Variants in ZIM2 observed in about 807,000 individuals in gnomAD.
ZIM2 encodes the protein zinc finger imprinted 2, also known as zinc finger protein 656.
A neutral mutation model predicts 38.6 loss-of-function variants in ZIM2; 14 were observed. The ratio of observed to expected loss-of-function variants is 0.36; its 90% CI spans 0.24 to 0.57. The LOEUF is 0.57. ZIM2 is among the 20% of genes least tolerant of loss of function. ZIM2 has a pLI of 0.81. For synonymous variants in ZIM2, 247 were observed against 245.8 expected (o/e 1.00, Z -0.04); for missense variants, 680 against 695.1 (o/e 0.98, Z 0.24).
At chr19:56,817,209 G>A (rs778919349) in intron 9 of ZIM2, 3 of 1,614,150 alleles carry the variant, frequency 1.9e-6, no homozygotes, top group East Asian at 4.5e-5. Context: ...GCTTCTTCCT[G>A]GGACAGCCTT....
chr19:56,823,818 C>A, intron 4 of ZIM2, 139 bp from the exon 5 acceptor site: 1 of 1,021,098 alleles, frequency 9.8e-7, no homozygotes, highest in Admixed American at 2.0e-5. Flanking sequence ...GAGTTCAAAA[C>A]CCTTCAGCGG....
chr19:56,796,018 A>G (rs535700624), intron 9 of ZIM2, among the ~76,000 whole-genome samples: 2 of 152,328 alleles, frequency 1.3e-5, no homozygotes, highest in East Asian at 1.9e-4. Flanking sequence ...CCACGTGTGC[A>G]CCATTCACCA....
At chr19:56,794,414 C>G (rs962561254) in intron 9 of ZIM2, among the ~76,000 whole-genome samples, 2 of 152,144 alleles carry the variant, frequency 1.3e-5, no homozygotes, top group African/African-American at 4.8e-5. Flanking sequence ...CTTTTCTTAT[C>G]CCCACTAAAA....
chr19:56,800,408 A>C (rs1296609874), intron 9 of ZIM2, among the ~76,000 whole-genome samples: 1 of 152,170 alleles, frequency 6.6e-6, no homozygotes, highest in Non-Finnish European at 1.5e-5. Context: ...CAGCTATAAA[A>C]TGCTAACATC....
At chr19:56,822,974 G>T in intron 5 of ZIM2, 138 bp from the exon 6 acceptor site, 1 of 1,171,874 alleles carries the variant, frequency 8.5e-7, no homozygotes, top group Non-Finnish European at 1.2e-6. Context: ...AGAGCTCCAG[G>T]TTCCCAGGCT....
intron 1 of ZIM2, among the ~76,000 whole-genome samples, chr19:56,838,374 C>T (rs1601322449): frequency 6.6e-6 from 1 of 152,326 alleles, no homozygotes; most frequent in East Asian, 1.9e-4. Flanking sequence ...CTGTGGCTAG[C>T]ACAGACAGTA....
chr19:56,826,968 T>C (rs2061101321), intron 2 of ZIM2, among the ~76,000 whole-genome samples: 1 of 152,180 alleles, frequency 6.6e-6, no homozygotes, highest in Non-Finnish European at 1.5e-5. Context: ...AATGGCAGGC[T>C]TATAGAGTTC....
chr19:56,817,311 A>C, intron 9 of ZIM2: 1 of 1,614,138 alleles, frequency 6.2e-7, no homozygotes, highest in Non-Finnish European at 8.5e-7. Flanking sequence ...GGGTTGAATT[A>C]AACCTAAAGC....
intron 2 of ZIM2, among the ~76,000 whole-genome samples, chr19:56,834,941 T>C (rs751872112): frequency 6.6e-6 from 1 of 152,192 alleles, no homozygotes; most frequent in Non-Finnish European, 1.5e-5. Context: ...CAATGCTTGC[T>C]AACAAATGAA....
chr19:56,823,534 T>G (rs907087204), intron 5 of ZIM2, 56 bp downstream of exon 5: 11 of 1,608,514 alleles, frequency 6.8e-6, no homozygotes, highest in Non-Finnish European at 9.4e-6. Flanking sequence ...TGTGTCTCCA[T>G]CTGGAAGCAT....
chr19:56,779,225 G>T, intron 12 of ZIM2, 152 bp downstream of exon 12: 1 of 648,896 alleles, frequency 1.5e-6, no homozygotes, highest in Non-Finnish European at 2.6e-6. Context: ...GCTGCATGAA[G>T]AGATGGGCTT....
chr19:56,802,175 A>G (rs865853797), intron 9 of ZIM2, among the ~76,000 whole-genome samples: 3 of 152,162 alleles, frequency 2.0e-5, no homozygotes, highest in South Asian at 2.1e-4. Flanking sequence ...GGACTCCTCA[A>G]TTGGCCCTCC....
chr19:56,826,396 G>C lies in ZIM2; in HGVS notation c.-159C>G, dbSNP rs889994410. 1 of 152,258 alleles carries C rather than the reference G, an allele frequency of 6.6e-6. No individual in the cohort carries two copies. The highest frequency in any genetic ancestry group is 2.4e-5 in the African/African-American group (1 of 41,462). 9.4% of individuals were successfully genotyped at this position (152,258 alleles called of 1,614,324 possible). ...CTCAGATATGTAATCACCTGTCTGG[G>C]AACAGGATCCTTTCTGGAACTTCAG... On this transcript the variant is annotated 5_prime_UTR_variant, in exon 3 of 13. Coordinates refer to ENST00000629319, the MANE Select transcript of ZIM2 (RefSeq NM_001387356.1).
At position 56,824,249 on chromosome 19, in the gene ZIM2, T is replaced by G. The variant is rs2060801678; in HGVS notation, c.16+13A>C. 1.2e-6 allele frequency: 2 copies of G among 1,611,686 alleles called. No homozygotes were observed. The highest frequency in any genetic ancestry group is 2.2e-5 in the South Asian group (2 of 90,932). On this transcript the variant is annotated intron_variant, in intron 4 of 12. Coordinates refer to ENST00000629319, the MANE Select transcript of ZIM2 (RefSeq NM_001387356.1). ...GCCTGCACTGACCACCAACACCCCG[T>G]GGAGACTCTCACCTTCTGGTTGGTA...
In ZIM2 at chr19:56,779,371, A is replaced by G. The variant is rs1393867704; in HGVS notation, c.835+6T>C. On this transcript the variant is annotated splice_donor_region_variant and intron_variant, in intron 12 of 12. Transcript: ENST00000629319. ...CTACACCCCGGGCTTCCCCCTCACT[A>G]CTCACCTTGACAAATCACTGTATGT... 1.9e-6 allele frequency: 3 copies of G among 1,613,120 alleles called. No individual in the cohort carries two copies. Among genetic ancestry groups the G allele is most frequent in the Non-Finnish European group, 2.5e-6 (3 of 1,179,496 alleles).
chr19:56,777,524 C>G (rs2046082713), intron 12 of ZIM2, among the ~76,000 whole-genome samples: 2 of 152,178 alleles, frequency 1.3e-5, no homozygotes, highest in Admixed American at 1.3e-4. Flanking sequence ...CTCCATAGGA[C>G]AGCCAGATGG....
At chr19:56,775,717 A>T (rs1264529482) in intron 12 of ZIM2, among the ~76,000 whole-genome samples, 188 bp from the exon 13 acceptor site, 1 of 152,184 alleles carries the variant, frequency 6.6e-6, no homozygotes, top group Admixed American at 6.5e-5. Context: ...CCAATATAAT[A>T]GAAATAAAGA....
intron 9 of ZIM2, among the ~76,000 whole-genome samples, chr19:56,809,918 C>T (rs1236132874): frequency 6.6e-6 from 1 of 151,710 alleles, no homozygotes; most frequent in Non-Finnish European, 1.5e-5. Context: ...TTTAAAAATC[C>T]CTTAGAAGTA....
intron 10 of ZIM2, among the ~76,000 whole-genome samples, chr19:56,783,849 AGACT>A (rs2046452873): frequency 6.6e-6 from 1 of 152,222 alleles, no homozygotes; most frequent in Non-Finnish European, 1.5e-5. Flanking sequence ...AAAAAAAGAT[AGACT>A]GACCTCTTCA....
Sources: allele counts gnomAD v4.1 joint callset (sites outside exome capture counted in the v4.1 genomes callset), GRCh38; gene constraint gnomAD v4.1.1; transcripts MANE v1.5; gene names NCBI Gene and HGNC (gene_info 2026-07-23, HGNC 2026-07-21).